ATRX: variants seen among roughly 807,000 people sequenced by gnomAD.
ATRX encodes chromatin remodeler ATRX.
Under a neutral mutation model 172.6 loss-of-function variants are expected in ATRX, and 12 were observed. That is an observed-to-expected ratio of 0.07 (90% confidence interval 0.04 to 0.11). ATRX has a LOEUF of 0.11. Ranked by LOEUF, ATRX falls within the 10% of genes least tolerant of loss-of-function variation. The probability of loss-of-function intolerance (pLI) is 1.00; values close to 1 mark genes in which losing one functional copy is unlikely to be tolerated. For missense variants in ATRX, 1,368 were observed against 1,767.4 expected (o/e 0.77, Z 4.05); for synonymous variants, 674 against 594.7 (o/e 1.13, Z -1.94).
intron 12 of ATRX, among the ~76,000 whole-genome samples, chrX:77,659,481 CT>C (rs2069743605): frequency 1.6e-5 from 1 of 60,680 alleles, no homozygotes; most frequent in Non-Finnish European, 3.2e-5. Context: ...CTTTCTCTCT[CT>C]ACACACACAC....
intron 1 of ATRX, among the ~76,000 whole-genome samples, chrX:77,783,159 T>C (rs1170697804): frequency 9.0e-6 from 1 of 111,164 alleles, no homozygotes; most frequent in Non-Finnish European, 1.9e-5. Flanking sequence ...CACTTGAACC[T>C]GGGAGGCGGA....
rs2074007860 is a variant in ATRX at position 77,725,840 on chromosome X, A to T, written c.21-8597T>A. Among the ~76,000 whole-genome samples the T allele has an allele frequency of 3.5e-5, 4 of 112,749 alleles. No homozygotes were observed. In the South Asian group the frequency reaches 1.1e-3, roughly 31 times the overall value. On this transcript the variant is annotated intron_variant, in intron 1 of 34. Coordinates refer to ENST00000373344, the MANE Select transcript of ATRX (RefSeq NM_000489.6). ...ATATGAACAGACACTTCTCAAAAGA[A>T]GACATTTATGCAGCCAAAGACACAT...
intron 1 of ATRX, among the ~76,000 whole-genome samples, chrX:77,754,715 G>A (rs1224739938): frequency 1.8e-5 from 2 of 111,198 alleles, no homozygotes; most frequent in Non-Finnish European, 3.8e-5. Context: ...TCCTTCCTCT[G>A]GGAGCTTCCC....
In ATRX at chrX:77,504,899, T is replaced by C. The variant is rs1349436709; in HGVS notation, c.*3452A>G. On this transcript the variant is annotated 3_prime_UTR_variant, in exon 35 of 35. Transcript: ENST00000373344. ...AGTATATATTTCGGATTTAAAACTT[T>C]ATTCACCCCATATAATAGTATATAT... The C allele has an allele frequency of 3.4e-5, 5 of 147,602 alleles. No individual in the cohort carries two copies. Among genetic ancestry groups the C allele is most frequent in the African/African-American group, 1.2e-4 (4 of 32,176 alleles). 12.2% of individuals were successfully genotyped at this position (147,602 alleles called of 1,213,427 possible).
intron 15 of ATRX, among the ~76,000 whole-genome samples, chrX:77,650,267 G>C (rs1216105381): frequency 2.5e-4 from 28 of 111,940 alleles, no homozygotes; most frequent in African/African-American, 9.1e-4. Context: ...AGATCCAAAA[G>C]GAAGTACATA....
intron 34 of ATRX, among the ~76,000 whole-genome samples, chrX:77,515,701 C>T (rs1378919910): frequency 2.7e-5 from 3 of 111,827 alleles, no homozygotes; most frequent in Non-Finnish European, 5.6e-5. Flanking sequence ...AAGAGTCTGA[C>T]AAATTCAACA....
At chrX:77,653,018 A>G (rs990656122) in intron 14 of ATRX, among the ~76,000 whole-genome samples, 1 of 108,670 alleles carries the variant, frequency 9.2e-6, no homozygotes, top group Admixed American at 9.8e-5. Flanking sequence ...AAAAAAAAAA[A>G]AAAGAAAAAA....
chrX:77,704,815 CA>C (rs1241420418), intron 2 of ATRX, among the ~76,000 whole-genome samples: 1 of 112,205 alleles, frequency 8.9e-6, no homozygotes, highest in Admixed American at 9.3e-5. Context: ...GCAGCAGGAG[CA>C]GGCACTCCCA....
chrX:77,513,001 G>GT (rs797042117), intron 34 of ATRX, among the ~76,000 whole-genome samples: 2 of 111,395 alleles, frequency 1.8e-5, no homozygotes, highest in South Asian at 7.6e-4. Context: ...AATGGCAGGA[G>GT]TAAGTCCTAA....
chrX:77,546,759 G>A (rs940781134), intron 30 of ATRX, among the ~76,000 whole-genome samples: 2 of 111,901 alleles, frequency 1.8e-5, no homozygotes, highest in Non-Finnish European at 3.8e-5. Flanking sequence ...GCTGAGATTA[G>A]AGGTGTGTGC....
intron 22 of ATRX, among the ~76,000 whole-genome samples, chrX:77,605,985 T>C (rs1308909840): frequency 9.0e-6 from 1 of 111,417 alleles, no homozygotes; most frequent in Admixed American, 9.5e-5. Flanking sequence ...TGCCAATAAA[T>C]TGGAAAACCT....
chrX:77,742,742 G>C (rs1257661046), intron 1 of ATRX, among the ~76,000 whole-genome samples: 1 of 111,528 alleles, frequency 9.0e-6, no homozygotes, highest in Non-Finnish European at 1.9e-5. Context: ...GAGAGGGTGA[G>C]TATTTTTCTG....
At chrX:77,591,791 AAAGTTCCCGT>A (rs2066266006) in intron 26 of ATRX, among the ~76,000 whole-genome samples, 1 of 112,268 alleles carries the variant, frequency 8.9e-6, no homozygotes, top group Admixed American at 9.4e-5. Flanking sequence ...TAAGTTCTTG[AAAGTTCCCGT>A]AAGTGAAAAA....
At chrX:77,624,642 C>T (rs2067745730) in intron 19 of ATRX, among the ~76,000 whole-genome samples, 1 of 111,032 alleles carries the variant, frequency 9.0e-6, no homozygotes, top group Admixed American at 9.6e-5. Flanking sequence ...TAAATAAATA[C>T]ATAAATAAAT....
At chrX:77,626,073 ATATATATATATG>A (rs2067835591) in intron 19 of ATRX, among the ~76,000 whole-genome samples, 3 of 51,480 alleles carry the variant, frequency 5.8e-5, no homozygotes, top group South Asian at 1.1e-3. Flanking sequence ...ATATATATAT[ATATATATATATG>A]ATGGAATACT....
intron 5 of ATRX, 124 bp downstream of exon 5, chrX:77,696,453 C>T (rs997157650): frequency 3.3e-5 from 24 of 727,474 alleles, no homozygotes; most frequent in Non-Finnish European, 4.7e-5. Context: ...TCTAGACAAC[C>T]ACTAGGAAAA....
At chrX:77,714,747 A>T (rs1210879782) in intron 2 of ATRX, among the ~76,000 whole-genome samples, 2 of 112,102 alleles carry the variant, frequency 1.8e-5, no homozygotes, top group Non-Finnish European at 3.8e-5. Flanking sequence ...TTTCAAAAAA[A>T]GTCATAGTCC....
At chrX:77,715,505 C>T (rs782198004) in intron 2 of ATRX, among the ~76,000 whole-genome samples, 5 of 112,256 alleles carry the variant, frequency 4.5e-5, no homozygotes, top group Non-Finnish European at 7.5e-5. Context: ...CATGACTGCA[C>T]TTTTCTTTGA....
intron 28 of ATRX, among the ~76,000 whole-genome samples, chrX:77,563,432 T>C (rs2065085321): frequency 8.9e-6 from 1 of 112,455 alleles, no homozygotes; most frequent in Admixed American, 9.4e-5. Context: ...CACCATGCTT[T>C]CATACATTTA....
Sources: allele counts gnomAD v4.1 joint callset (sites outside exome capture counted in the v4.1 genomes callset), GRCh38; gene constraint gnomAD v4.1.1; transcripts MANE v1.5; gene names NCBI Gene and HGNC (gene_info 2026-07-23, HGNC 2026-07-21).